ZFHX3: variants seen among roughly 807,000 people sequenced by gnomAD.
ZFHX3 encodes zinc finger homeobox protein 3.
ZFHX3 carries 42 observed loss-of-function variants against 279.1 expected under a neutral mutation model. The observed-to-expected ratio is 0.15, with a 90% CI of 0.12 to 0.19. ZFHX3 has a LOEUF of 0.19. Ranked by LOEUF, ZFHX3 falls within the 10% of genes least tolerant of loss-of-function variation. The pLI is 1.00. For missense variants in ZFHX3, 4,981 were observed against 4,754.0 expected, an observed-to-expected ratio of 1.05 and a Z score of -1.40; for synonymous variants, 2,293 against 1,957.8, an observed-to-expected ratio of 1.17 and a Z score of -4.52.
At chr16:73,481,947 A>T (rs1224495515) in intron 2 of ZFHX3, among the ~76,000 whole-genome samples, 1 of 152,192 alleles carries the variant, frequency 6.6e-6, no homozygotes, top group Non-Finnish European at 1.5e-5. Context: ...TGATGACCCC[A>T]TAGCCAATAA....
chr16:73,365,974 C>T (rs778909850), intron 3 of ZFHX3, among the ~76,000 whole-genome samples: 1 of 152,022 alleles, frequency 6.6e-6, no homozygotes, highest in Non-Finnish European at 1.5e-5. Flanking sequence ...ATCAAAGGTA[C>T]AAGAGAAAAC....
chr16:73,091,158 T>G (rs1597153263), intron 8 of ZFHX3, among the ~76,000 whole-genome samples: 1 of 135,292 alleles, frequency 7.4e-6, no homozygotes, highest in African/African-American at 2.8e-5. Flanking sequence ...TTGCAGTGAG[T>G]GGAGATCACG....
intron 1 of ZFHX3, among the ~76,000 whole-genome samples, chr16:72,971,952 C>T (rs1446756055): frequency 2.2e-5 from 3 of 138,536 alleles, no homozygotes; most frequent in Non-Finnish European, 4.5e-5. Flanking sequence ...ATGGGGCGAT[C>T]TCAGCTCACT....
intron 5 of ZFHX3, among the ~76,000 whole-genome samples, chr16:73,216,715 A>G (rs1462634878): frequency 1.3e-5 from 2 of 152,064 alleles, no homozygotes; most frequent in African/African-American, 4.8e-5. Flanking sequence ...GTGAGCTGAG[A>G]TCGCGCCACT....
intron 2 of ZFHX3, among the ~76,000 whole-genome samples, chr16:73,601,971 A>G (rs995110921): frequency 1.3e-5 from 2 of 152,124 alleles, no homozygotes; most frequent in Non-Finnish European, 2.9e-5. Flanking sequence ...TTTTGTTTCC[A>G]ATAAAGAAAA....
chr16:73,606,058 C>T (rs895003145), intron 2 of ZFHX3, among the ~76,000 whole-genome samples: 4 of 151,488 alleles, frequency 2.6e-5, no homozygotes, highest in African/African-American at 9.7e-5. Context: ...TGGCGGGCAC[C>T]TGTAGTCCCA....
At chr16:73,212,940 C>T (rs2012071821) in intron 5 of ZFHX3, among the ~76,000 whole-genome samples, 1 of 152,156 alleles carries the variant, frequency 6.6e-6, no homozygotes, top group Admixed American at 6.5e-5. Context: ...TTAAAAAGTG[C>T]ATGCGTGTAA....
At chr16:73,315,067 A>G (rs1016923775) in intron 4 of ZFHX3, among the ~76,000 whole-genome samples, 3 of 152,124 alleles carry the variant, frequency 2.0e-5, no homozygotes, top group Admixed American at 6.5e-5. Flanking sequence ...GTCTCTACTA[A>G]AAATACAAAA....
chr16:73,800,348 G>C (rs968767604), intron 1 of ZFHX3, among the ~76,000 whole-genome samples: 1 of 151,934 alleles, frequency 6.6e-6, no homozygotes. Context: ...CTTTCGAGTA[G>C]CTGGGACTAC....
chr16:73,817,557 T>G (rs887266440), intron 1 of ZFHX3, among the ~76,000 whole-genome samples: 4 of 152,188 alleles, frequency 2.6e-5, no homozygotes, highest in Non-Finnish European at 4.4e-5. Flanking sequence ...GAAGTTCAAG[T>G]CAATTCCTCA....
At chr16:73,820,809 A>G (rs912678400) in intron 1 of ZFHX3, among the ~76,000 whole-genome samples, 2 of 151,718 alleles carry the variant, frequency 1.3e-5, no homozygotes, top group African/African-American at 2.4e-5. Context: ...GTGTTCTACT[A>G]CCAAAGTTAT....
chr16:73,841,542 A>C (rs1009796883), intron 1 of ZFHX3, among the ~76,000 whole-genome samples: 1 of 152,120 alleles, frequency 6.6e-6, no homozygotes, highest in African/African-American at 2.4e-5. Context: ...AGCACCAGTG[A>C]CAGCAGGGCA....
chr16:73,194,461 A>C (rs2144892060), intron 5 of ZFHX3, among the ~76,000 whole-genome samples: 1 of 152,158 alleles, frequency 6.6e-6, no homozygotes, highest in East Asian at 1.9e-4. Context: ...TGGCCTCCCA[A>C]AGTGCTGGGA....
At chr16:73,214,668 G>T (rs891476392) in intron 5 of ZFHX3, among the ~76,000 whole-genome samples, 2 of 152,024 alleles carry the variant, frequency 1.3e-5, no homozygotes, top group African/African-American at 4.8e-5. Flanking sequence ...AGTGGTTTCA[G>T]TTATGATACA....
At chr16:73,883,325 G>C (rs780726293) in intron 1 of ZFHX3, among the ~76,000 whole-genome samples, 1 of 152,004 alleles carries the variant, frequency 6.6e-6, no homozygotes, top group African/African-American at 2.4e-5. Flanking sequence ...GGCAGCCTAT[G>C]TTCTCTGTGT....
chr16:73,327,320 A>G lies in ZFHX3; in HGVS notation c.-1290-8984T>C, dbSNP rs550143686. On this transcript the variant is annotated intron_variant, in intron 3 of 17. Transcript: ENST00000641206. ...CCACAACTGCAGTAACTGCTGCCCA[A>G]TATTCCAAGTATTCCATGAGACCAG... 6.6e-5 allele frequency among the ~76,000 whole-genome samples: 10 copies of G among 152,266 alleles called. No homozygotes were observed. In the East Asian group the frequency reaches 1.9e-3, roughly 29 times the overall value.
chr16:73,795,089 A>T (rs552938652), intron 1 of ZFHX3, among the ~76,000 whole-genome samples: 1 of 152,182 alleles, frequency 6.6e-6, no homozygotes, highest in South Asian at 2.1e-4. Flanking sequence ...ACATACTTCA[A>T]ACTGACTCCT....
chr16:73,704,392 AG>A (rs1181300251), intron 1 of ZFHX3, among the ~76,000 whole-genome samples: 1 of 152,214 alleles, frequency 6.6e-6, no homozygotes, highest in African/African-American at 2.4e-5. Context: ...CACAGAAGAA[AG>A]AAAATGCAAG....
At chr16:73,796,186 G>A (rs1486078735) in intron 1 of ZFHX3, among the ~76,000 whole-genome samples, 1 of 152,138 alleles carries the variant, frequency 6.6e-6, no homozygotes, top group Non-Finnish European at 1.5e-5. Flanking sequence ...AGAAAAAATA[G>A]TTATTTAAAA....
Sources: gnomAD v4.1 joint callset for allele counts (sites outside exome capture counted in the v4.1 genomes callset) on GRCh38, gnomAD v4.1.1 for gene constraint, MANE v1.5 for transcripts, NCBI Gene and HGNC (gene_info 2026-07-23, HGNC 2026-07-21) for gene names.